Variants in NIPBL observed in about 807,000 individuals in gnomAD.
NIPBL encodes nipped-B-like protein.
A neutral mutation model predicts 321.8 loss-of-function variants in NIPBL; 19 were observed. The ratio of observed to expected loss-of-function variants is 0.06; its 90% confidence interval spans 0.04 to 0.09. The LOEUF is 0.09. Among genes scored for constraint, NIPBL ranks in the 10% least tolerant of loss-of-function variants. NIPBL has a pLI of 1.00. For missense variants in NIPBL, 2,210 were observed against 3,327.0 expected, an observed-to-expected ratio of 0.66 and a Z score of 8.26; for synonymous variants, 1,106 against 1,114.1, an observed-to-expected ratio of 0.99 and a Z score of 0.14.
chr5:36,970,782 T>C (rs1288188438), intron 6 of NIPBL, 94 bp from the exon 7 acceptor site: 2 of 1,134,184 alleles, frequency 1.8e-6, no homozygotes, highest in African/African-American at 3.1e-5. Flanking sequence ...TTCTCTGTAA[T>C]TTCTATATGC....
intron 1 of NIPBL, among the ~76,000 whole-genome samples, chr5:36,890,646 C>G (rs1390182618): frequency 6.6e-6 from 1 of 152,164 alleles, no homozygotes; most frequent in Non-Finnish European, 1.5e-5. Context: ...AGCCAAGTGG[C>G]ATTTAGGCCA....
chr5:36,971,809 A>C, intron 7 of NIPBL, 136 bp from the exon 8 acceptor site: 1 of 1,468,304 alleles, frequency 6.8e-7, no homozygotes, highest in Non-Finnish European at 9.0e-7. Flanking sequence ...AGAAAACAGG[A>C]AAGTGCAGAA....
intron 14 of NIPBL, among the ~76,000 whole-genome samples, chr5:37,002,229 A>G (rs754945993): frequency 6.6e-6 from 1 of 152,204 alleles, no homozygotes; most frequent in Non-Finnish European, 1.5e-5. Flanking sequence ...GTCAGGGGAC[A>G]GAGCCAGCCT....
intron 7 of NIPBL, among the ~76,000 whole-genome samples, chr5:36,971,501 T>C (rs751705658): frequency 6.6e-6 from 1 of 152,162 alleles, no homozygotes; most frequent in Non-Finnish European, 1.5e-5. Flanking sequence ...GTACAAAGTT[T>C]TGTGTCTGAA....
chr5:36,885,242 T>A (rs1189650708), intron 1 of NIPBL: 3 of 531,842 alleles, frequency 5.6e-6, no homozygotes, highest in Admixed American at 3.9e-5. Flanking sequence ...CTCCACCAAC[T>A]ACTGGTTCCT....
chr5:37,038,036 C>G (rs1181225201), intron 33 of NIPBL, among the ~76,000 whole-genome samples: 1 of 137,122 alleles, frequency 7.3e-6, no homozygotes, highest in Non-Finnish European at 1.5e-5. Flanking sequence ...GTCACCCAGG[C>G]TGGGGTGTAG....
intron 1 of NIPBL, among the ~76,000 whole-genome samples, chr5:36,941,720 T>C (rs1580286969): frequency 6.6e-6 from 1 of 152,148 alleles, no homozygotes; most frequent in Non-Finnish European, 1.5e-5. Context: ...TCACAGTAAG[T>C]TTACTTTTGT....
At chr5:36,900,123 G>A (rs1253937922) in intron 1 of NIPBL, among the ~76,000 whole-genome samples, 1 of 152,012 alleles carries the variant, frequency 6.6e-6, no homozygotes, top group Non-Finnish European at 1.5e-5. Context: ...TACAGTTCTT[G>A]AGGTATAATC....
intron 1 of NIPBL, among the ~76,000 whole-genome samples, chr5:36,908,392 A>G (rs994060994): frequency 1.3e-5 from 2 of 151,514 alleles, no homozygotes; most frequent in Non-Finnish European, 2.9e-5. Context: ...GTTTGTTTTT[A>G]GCCCTCTTTA....
chr5:36,994,652 A>G, intron 10 of NIPBL, among the ~76,000 whole-genome samples: 1 of 152,088 alleles, frequency 6.6e-6, no homozygotes, highest in East Asian at 1.9e-4. Flanking sequence ...TTATACTTCC[A>G]CTCAAAGTAA....
At chr5:36,968,115 AAAAC>A (rs1403801016) in intron 6 of NIPBL, among the ~76,000 whole-genome samples, 7 of 151,174 alleles carry the variant, frequency 4.6e-5, no homozygotes, top group Admixed American at 2.6e-4. Context: ...AAAAAAACAA[AAAAC>A]AAAAAACGAA....
intron 38 of NIPBL, among the ~76,000 whole-genome samples, chr5:37,046,978 G>C (rs1396035548): frequency 1.3e-5 from 2 of 150,674 alleles, no homozygotes; most frequent in African/African-American, 2.4e-5. Flanking sequence ...AAAATACTGA[G>C]AAAAAAAAAT....
At chr5:37,003,154 CAA>C in intron 15 of NIPBL, 105 bp from the exon 16 acceptor site, 1 of 725,920 alleles carries the variant, frequency 1.4e-6, no homozygotes. Flanking sequence ...AAGAGGGTGA[CAA>C]TGCTATTTCC....
intron 33 of NIPBL, 113 bp from the exon 34 acceptor site, chr5:37,038,489 G>A (rs1224574328): frequency 5.4e-5 from 44 of 810,182 alleles, no homozygotes; most frequent in Non-Finnish European, 4.0e-5. Flanking sequence ...ATTATATTGA[G>A]GCCTATACTG....
chr5:36,997,655 G>A (rs1418700276), intron 11 of NIPBL, among the ~76,000 whole-genome samples: 1 of 152,148 alleles, frequency 6.6e-6, no homozygotes, highest in African/African-American at 2.4e-5. Context: ...TTAAAGAGAT[G>A]TCAGGAGTAG....
At chr5:37,055,498 G>T (rs564856878) in intron 42 of NIPBL, among the ~76,000 whole-genome samples, 1 of 152,144 alleles carries the variant, frequency 6.6e-6, no homozygotes, top group East Asian at 1.9e-4. Context: ...TAGGATTGTT[G>T]CCAAAGTCAG....
chr5:36,958,821 A>G (rs1241386681), intron 4 of NIPBL, among the ~76,000 whole-genome samples: 2 of 152,214 alleles, frequency 1.3e-5, no homozygotes, highest in African/African-American at 4.8e-5. Flanking sequence ...TGACAAGCCC[A>G]AGTGCCTGTT....
chr5:36,882,535 G>A (rs1337300958), intron 1 of NIPBL, among the ~76,000 whole-genome samples: 1 of 151,886 alleles, frequency 6.6e-6, no homozygotes, highest in African/African-American at 2.4e-5. Context: ...CCTTAACCAC[G>A]ATACTGTGTA....
At chr5:36,955,988 G>T (rs755654541) in intron 3 of NIPBL, among the ~76,000 whole-genome samples, 2 of 151,302 alleles carry the variant, frequency 1.3e-5, no homozygotes, top group African/African-American at 4.9e-5. Context: ...TTGGGAGGCC[G>T]AGGCAGGTGG....
Sources: gnomAD v4.1 joint callset for allele counts (sites outside exome capture counted in the v4.1 genomes callset) on GRCh38, gnomAD v4.1.1 for gene constraint, MANE v1.5 for transcripts, NCBI Gene and HGNC (gene_info 2026-07-23, HGNC 2026-07-21) for gene names.